Variants in KANSL3 observed in about 807,000 individuals in gnomAD.
KANSL3 encodes the protein NSL complex protein NSL3.
A neutral mutation model predicts 89.2 loss-of-function variants in KANSL3; 16 were observed. That is an observed-to-expected ratio of 0.18 (90% CI 0.12 to 0.27). The LOEUF is 0.27. Ranked by LOEUF, KANSL3 falls within the 10% of genes least tolerant of loss-of-function variation. The pLI, the probability that KANSL3 is intolerant of heterozygous loss-of-function variation, is 1.00. For synonymous variants in KANSL3, 385 were observed against 419.7 expected, an observed-to-expected ratio of 0.92 and a Z score of 1.01; for missense variants, 879 against 1,110.6, an observed-to-expected ratio of 0.79 and a Z score of 2.96.
At chr2:96,588,597 CTT>C (rs1235751861), downstream of KANSL3, among the ~76,000 whole-genome samples, 1 of 148,140 alleles carries the variant, frequency 6.8e-6, no homozygotes, top group African/African-American at 2.5e-5. Flanking sequence ...CTTTTCTTTT[CTT>C]TTTTTTTTGG....
intron 2 of KANSL3, chr2:96,634,031 T>A (rs935138001): frequency 6.6e-6 from 1 of 152,330 alleles, no homozygotes; most frequent in East Asian, 1.9e-4. Flanking sequence ...AGTTTTAAAT[T>A]CATACAAACT....
At chr2:96,602,472 A>G (rs1398814037) in intron 18 of KANSL3, 134 bp from the exon 19 acceptor site, 20 of 688,276 alleles carry the variant, frequency 2.9e-5, no homozygotes, top group Admixed American at 2.5e-4. Context: ...TCTTCCAGGC[A>G]TTTTGCATAT....
rs767786910 is a variant in KANSL3 at position 96,611,137 on chromosome 2, A to G, written c.1088T>C (p.Val363Ala). The G allele has an allele frequency of 6.2e-7, 1 of 1,613,518 alleles. No homozygotes were observed. The highest frequency in any genetic ancestry group is 8.5e-7 in the Non-Finnish European group (1 of 1,179,446). ...WNTGALVACH[V>A]SVMEYVTAVV... The stretch of plus-strand genomic sequence containing the variant: ...TGCAGTGACATACTCCATTACTGAC[A>G]CCTGTAAATAACAGAACAGTTTGTC... The change falls in exon 10 of 21, where the codon GTG (valine) becomes GCG (alanine). Residue 363 changes from valine to alanine, a missense_variant and splice_region_variant. By Grantham distance (64) the Val-to-Ala change is moderately conservative (BLOSUM62 0). Transcript: ENST00000431828.
rs1258230102 is a variant in KANSL3 at position 96,637,164 on chromosome 2, T to C, written c.-29A>G. On this transcript the variant is annotated 5_prime_UTR_variant, in exon 2 of 21. An upstream start codon of the reference 5' UTR is lost. Transcript: ENST00000431828. ...AGTGGAGGGGCAGAAAGTCAGAGCATGGGTATCTGCATGCTAGTCACCTGC... is the reference window on the plus strand; with the variant it reads ...AGTGGAGGGGCAGAAAGTCAGAGCACGGGTATCTGCATGCTAGTCACCTGC... The C allele has an allele frequency of 1.4e-6, 2 of 1,449,030 alleles. No homozygotes were observed. The highest frequency in any genetic ancestry group is 2.0e-5 in the Admixed American group (1 of 49,812). 89.8% of individuals were successfully genotyped at this position (1,449,030 alleles called of 1,614,324 possible).
intron 2 of KANSL3, among the ~76,000 whole-genome samples, chr2:96,636,007 A>C (rs2074194261): frequency 1.3e-5 from 2 of 148,970 alleles, no homozygotes; most frequent in South Asian, 4.5e-4. Flanking sequence ...AAAAAAAAAA[A>C]CCACACACAC....
chr2:96,593,364 C>T lies in KANSL3; in HGVS notation c.*2247G>A. On this transcript the variant is annotated 3_prime_UTR_variant, in exon 21 of 21. Coordinates refer to ENST00000431828, the MANE Select transcript of KANSL3 (RefSeq NM_001115016.3). ...CAACATGCATCTGTCATCCAAGAAT[C>T]TAAGAACTTCCTGATCCTTCCACAT... is the stretch of plus-strand genomic sequence containing the variant. 2.2e-6 allele frequency: 1 copy of T among 454,976 alleles called. No individual in the cohort carries two copies. Among genetic ancestry groups the T allele is most frequent in the Non-Finnish European group, 4.4e-6 (1 of 226,170 alleles). 28.2% of individuals were successfully genotyped at this position (454,976 alleles called of 1,614,324 possible). A position where few individuals can be genotyped will look rare whatever the true frequency, so the allele number is the denominator to read the frequency against.
chr2:96,622,838 C>A (rs1173930472), intron 3 of KANSL3, among the ~76,000 whole-genome samples: 2 of 152,320 alleles, frequency 1.3e-5, no homozygotes, highest in East Asian at 3.9e-4. Flanking sequence ...CAGGGCCCTG[C>A]CCTTCATTAC....
chr2:96,636,747 C>A, intron 2 of KANSL3, 174 bp downstream of exon 2: 1 of 520,404 alleles, frequency 1.9e-6, no homozygotes, highest in Non-Finnish European at 3.3e-6. Context: ...AGCTGTCTCA[C>A]AGAGATAGCC....
the KANSL3 span, among the ~76,000 whole-genome samples, chr2:96,585,324 TTAC>T: frequency 6.6e-6 from 1 of 152,128 alleles, no homozygotes; most frequent in Non-Finnish European, 1.5e-5. Flanking sequence ...GCAAGGGACA[TTAC>T]CAGACAATTC....
chr2:96,606,688 C>T (rs1194847981), intron 14 of KANSL3: 1 of 251,456 alleles, frequency 4.0e-6, no homozygotes, highest in African/African-American at 2.4e-5. Context: ...GGCAATGCCA[C>T]AGACATACAA....
chr2:96,587,004 T>G, the KANSL3 span, among the ~76,000 whole-genome samples: 1 of 152,234 alleles, frequency 6.6e-6, no homozygotes, highest in Non-Finnish European at 1.5e-5. Flanking sequence ...CCATAACTCC[T>G]TACATATATT....
At chr2:96,624,269 G>A (rs1160272515) in intron 3 of KANSL3, among the ~76,000 whole-genome samples, 2 of 152,180 alleles carry the variant, frequency 1.3e-5, no homozygotes, top group Non-Finnish European at 2.9e-5. Context: ...TATGTACAGT[G>A]ATTCTCAGGT....
the KANSL3 span, among the ~76,000 whole-genome samples, chr2:96,587,687 C>A: frequency 6.6e-6 from 1 of 152,176 alleles, no homozygotes; most frequent in African/African-American, 2.4e-5. Context: ...CCAACAGATG[C>A]CAAAATTGAG....
At chr2:96,583,886 T>C in the KANSL3 span, among the ~76,000 whole-genome samples, 66 of 152,254 alleles carry the variant, frequency 4.3e-4, 1 homozygote, top group East Asian at 7.8e-3. Flanking sequence ...ACACTCGGTA[T>C]TGTTGTTAAT....
chr2:96,620,515 T>G (rs929158023), intron 3 of KANSL3, among the ~76,000 whole-genome samples: 3 of 152,192 alleles, frequency 2.0e-5, no homozygotes, highest in Non-Finnish European at 4.4e-5. Context: ...TCTATCCTAC[T>G]GTTCTTATCT....
At chr2:96,627,226 T>C (rs1379342219) in intron 3 of KANSL3, among the ~76,000 whole-genome samples, 1 of 152,040 alleles carries the variant, frequency 6.6e-6, no homozygotes, top group African/African-American at 2.4e-5. Flanking sequence ...GCTTCTTTTT[T>C]TTTTTTGAGA....
At chr2:96,587,152 C>T in the KANSL3 span, among the ~76,000 whole-genome samples, 2 of 152,128 alleles carry the variant, frequency 1.3e-5, no homozygotes, top group African/African-American at 4.8e-5. Context: ...AAGTGGGAAA[C>T]TAAAACTTCA....
At chr2:96,624,321 C>A (rs2071885327) in intron 3 of KANSL3, among the ~76,000 whole-genome samples, 1 of 152,152 alleles carries the variant, frequency 6.6e-6, no homozygotes, top group Non-Finnish European at 1.5e-5. Flanking sequence ...ACAGAGGATG[C>A]TTACAAGTCA....
intron 2 of KANSL3, among the ~76,000 whole-genome samples, chr2:96,636,230 G>A (rs1273809100): frequency 6.6e-6 from 1 of 152,122 alleles, no homozygotes; most frequent in Non-Finnish European, 1.5e-5. Flanking sequence ...CACCATAACG[G>A]AATATATCAA....
Sources: gnomAD v4.1 joint callset for allele counts (sites outside exome capture counted in the v4.1 genomes callset) on GRCh38, gnomAD v4.1.1 for gene constraint, MANE v1.5 for transcripts, NCBI Gene and HGNC (gene_info 2026-07-23, HGNC 2026-07-21) for gene names.